Variants in COL12A1 observed in about 807,000 individuals in gnomAD.
COL12A1 encodes collagen type XII alpha 1 chain.
A neutral mutation model predicts 349.7 loss-of-function variants in COL12A1; 114 were observed. That is an observed-to-expected ratio of 0.33 (90% CI 0.28 to 0.38). The LOEUF (loss-of-function observed/expected upper bound fraction) is 0.38, where lower values mean the gene tolerates loss of function less well. Ranked by LOEUF, COL12A1 falls within the 10% of genes least tolerant of loss-of-function variation. COL12A1 has a pLI of 1.00. For missense variants in COL12A1, 3,284 were observed against 3,756.9 expected (o/e 0.87, Z 3.29); for synonymous variants, 1,369 against 1,329.0 (o/e 1.03, Z -0.66).
chr6:75,117,356 A>C, intron 47 of COL12A1, 26 bp downstream of exon 47: 1 of 1,608,862 alleles, frequency 6.2e-7, no homozygotes, highest in Non-Finnish European at 8.5e-7. Context: ...AAGTGAGGTT[A>C]TAGATCCATG....
At chr6:75,123,860 C>T in intron 42 of COL12A1, 88 bp downstream of exon 42, 1 of 1,362,136 alleles carries the variant, frequency 7.3e-7, no homozygotes, top group Non-Finnish European at 1.0e-6. Flanking sequence ...CGGAGAGGTA[C>T]CTGCACAGGA....
Position 75,133,986 on chromosome 6 carries a change from T to C in COL12A1, c.5536A>G (p.Thr1846Ala). Residue 1846 changes from threonine (T) to alanine (A), a missense_variant, in exon 33 of 66, where the codon ACT becomes GCT. Coordinates refer to ENST00000322507, the MANE Select transcript of COL12A1 (RefSeq NM_004370.6). ...TCATACACTCTCAGGTTCCTTACAG[T>C]GTTTAGAGGTTCTGAAATGCACAGA... ...TGRGKTKPLN[T>A]VRNLRVYDPS... 1 of 1,613,584 alleles carries C rather than the reference T, an allele frequency of 6.2e-7. No individual in the cohort carries two copies. The highest frequency in any genetic ancestry group is 1.3e-5 in the African/African-American group (1 of 75,014).
chr6:75,121,936 T>A, intron 43 of COL12A1, among the ~76,000 whole-genome samples: 1 of 151,352 alleles, frequency 6.6e-6, no homozygotes, highest in South Asian at 2.1e-4. Flanking sequence ...CTTGGCTCAC[T>A]GCAAACTCCA....
intron 26 of COL12A1, among the ~76,000 whole-genome samples, chr6:75,142,772 A>T (rs240724): frequency 1.3e-5 from 2 of 151,880 alleles, no homozygotes; most frequent in Non-Finnish European, 2.9e-5. Context: ...GTCATCACGG[A>T]ACTCCCAAAA....
At chr6:75,189,166 A>C (rs1470526108) in intron 7 of COL12A1, 51 bp downstream of exon 7, 1 of 1,558,770 alleles carries the variant, frequency 6.4e-7, no homozygotes, top group African/African-American at 1.4e-5. Context: ...CTAAACATTA[A>C]GTATACTGTA....
chr6:75,119,312 C>A, intron 45 of COL12A1, 38 bp downstream of exon 45: 2 of 1,605,584 alleles, frequency 1.2e-6, no homozygotes, highest in Non-Finnish European at 1.7e-6. Context: ...TCTGCCACTA[C>A]AAATGCTTGA....
chr6:75,101,490 C>T, intron 58 of COL12A1, 110 bp downstream of exon 58: 1 of 1,039,222 alleles, frequency 9.6e-7, no homozygotes, highest in Non-Finnish European at 1.4e-6. Flanking sequence ...TGCAGCTTTC[C>T]ACAAGATATA....
intron 2 of COL12A1, among the ~76,000 whole-genome samples, chr6:75,201,886 C>G (rs1582231936): frequency 6.6e-6 from 1 of 152,212 alleles, no homozygotes; most frequent in African/African-American, 2.4e-5. Flanking sequence ...GGAAACCCAT[C>G]TCGGAGCGCC....
At chr6:75,173,666 C>T (rs544419208) in intron 13 of COL12A1, among the ~76,000 whole-genome samples, 2 of 152,314 alleles carry the variant, frequency 1.3e-5, no homozygotes, top group African/African-American at 4.8e-5. Flanking sequence ...TGAGCCACCA[C>T]GCCTGCCCGA....
At chr6:75,114,487 TG>T (rs1341391366) in intron 49 of COL12A1, among the ~76,000 whole-genome samples, 3 of 152,138 alleles carry the variant, frequency 2.0e-5, no homozygotes, top group Non-Finnish European at 1.5e-5. Flanking sequence ...ATCATTGTTC[TG>T]GGGGAATCTT....
intron 12 of COL12A1, among the ~76,000 whole-genome samples, chr6:75,176,800 A>T (rs1299878020): frequency 2.0e-5 from 3 of 152,206 alleles, no homozygotes. Context: ...GTAACTTTTC[A>T]TTATTGCTAA....
intron 2 of COL12A1, among the ~76,000 whole-genome samples, chr6:75,201,114 C>A (rs1770504780): frequency 6.6e-6 from 1 of 152,160 alleles, no homozygotes; most frequent in Non-Finnish European, 1.5e-5. Flanking sequence ...TCATTTCCAG[C>A]CTAACTCTTT....
At chr6:75,096,475 TATTTTCCCAATATCTTACGTTGAAG>T (rs1374923386) in intron 59 of COL12A1, among the ~76,000 whole-genome samples, 1 of 152,216 alleles carries the variant, frequency 6.6e-6, no homozygotes, top group Non-Finnish European at 1.5e-5. Flanking sequence ...TTAGTTTCAG[TATTTTCCCAATATCTTACGTTGAAG>T]ACCCTTTTAG....
chr6:75,146,103 T>A lies in COL12A1; in HGVS notation c.4559A>T (p.Glu1520Val). The change falls in exon 24 of 66, where the codon GAG (glutamate) becomes GTG (valine). Residue 1520 changes from glutamate to valine, a missense_variant and splice_region_variant. Around this residue, in one of 2 missense-constraint regions of COL12A1, gnomAD observed 2,601 missense variants for 2,824.8 expected, o/e 0.92. Transcript: ENST00000322507. ...VKDTEPTRPK[E>V]VRLGPTVNDM... ...GTTAAAGAAACAAACATCTTTCACCTCTTTGGGTCTTGTTGGCTCTGTGTC... is the reference window on the plus strand; with the variant it reads ...GTTAAAGAAACAAACATCTTTCACCACTTTGGGTCTTGTTGGCTCTGTGTC... 1 of 1,593,024 alleles carries A rather than the reference T, an allele frequency of 6.3e-7. No homozygotes were observed. The highest frequency in any genetic ancestry group is 8.5e-7 in the Non-Finnish European group (1 of 1,171,882).
chr6:75,127,137 T>C (rs1766060325), intron 38 of COL12A1, among the ~76,000 whole-genome samples: 1 of 152,006 alleles, frequency 6.6e-6, no homozygotes, highest in African/African-American at 2.4e-5. Flanking sequence ...TCCTGGAAAA[T>C]CCAAGATCTA....
chr6:75,193,831 G>GT (rs925879610), intron 3 of COL12A1, among the ~76,000 whole-genome samples: 1 of 151,882 alleles, frequency 6.6e-6, no homozygotes, highest in Non-Finnish European at 1.5e-5. Context: ...GCGGTGTTTG[G>GT]TTTTTTGTCT....
At position 75,093,602 on chromosome 6, in the gene COL12A1, C is replaced by T. The variant is rs567173961; in HGVS notation, c.8649+1506G>A. ...TAAATGTATACCAAATTATAATTAT[C>T]GTAAGAAAAACTAGAGTTATCTATT... On this transcript the variant is annotated intron_variant, in intron 60 of 65. Coordinates refer to ENST00000322507, the MANE Select transcript of COL12A1 (RefSeq NM_004370.6). Among the ~76,000 whole-genome samples, 8 of 152,174 alleles carry T rather than the reference C, an allele frequency of 5.3e-5. No individual in the cohort carries two copies. In the East Asian group the frequency reaches 5.8e-4, roughly 11 times the overall value.
At position 75,154,553 on chromosome 6, in the gene COL12A1, A is replaced by ATATAT; in HGVS notation, c.3444-21_3444-17dup. The ATATAT allele has an allele frequency of 6.2e-7, 1 of 1,600,740 alleles. No individual in the cohort carries two copies. The highest frequency in any genetic ancestry group is 2.2e-5 in the East Asian group (1 of 44,546). ...GGTACCAGCCCTAAAATGTTAAAGT[A>ATATAT]TATATATAGCCTGTGAGAACCATAG... On this transcript the variant is annotated splice_polypyrimidine_tract_variant and intron_variant, in intron 16 of 65. Transcript: ENST00000322507.
intron 14 of COL12A1, among the ~76,000 whole-genome samples, chr6:75,165,103 A>T (rs1768221231): frequency 6.6e-6 from 1 of 152,128 alleles, no homozygotes; most frequent in Non-Finnish European, 1.5e-5. Context: ...ACTCTAAGAG[A>T]CAAGATTTAT....
Sources: gnomAD v4.1 joint callset for allele counts (sites outside exome capture counted in the v4.1 genomes callset) on GRCh38, gnomAD v4.1.1 for gene constraint, gnomAD v4.1.1 regional missense constraint, MANE v1.5 for transcripts, NCBI Gene and HGNC (gene_info 2026-07-23, HGNC 2026-07-21) for gene names.